PCNP: variants seen among roughly 807,000 people sequenced by gnomAD.
The protein encoded by PCNP is PEST proteolytic signal containing nuclear protein, also known as PEST proteolytic signal-containing nuclear protein.
In PCNP, 6 loss-of-function variants were observed where a neutral mutation model predicts 21.8. The observed-to-expected ratio is 0.28, with a 90% CI of 0.15 to 0.54. The LOEUF is 0.54. PCNP is among the 20% of genes least tolerant of loss of function. The pLI, the probability that PCNP is intolerant of heterozygous loss-of-function variation, is 0.95. For missense variants in PCNP, 161 were observed against 215.5 expected, an observed-to-expected ratio of 0.75 and a Z score of 1.58; for synonymous variants, 67 against 73.2, an observed-to-expected ratio of 0.92 and a Z score of 0.43.
rs550240849 is a variant in PCNP, at chr3:101,593,651, A to G, written c.*898A>G. On this transcript the variant is annotated 3_prime_UTR_variant, in exon 5 of 5. Coordinates refer to ENST00000265260, the MANE Select transcript of PCNP (RefSeq NM_020357.3). ...ACACCAAAAAAAAAATTAACATTGT[A>G]TGAAGATGGAAAATAAGAAGATGCA... 3 of 152,716 alleles carry G rather than the reference A, an allele frequency of 2.0e-5. No homozygotes were observed. The South Asian group carries it at 6.2e-4, about 32-fold the overall frequency. 9.5% of individuals were successfully genotyped at this position (152,716 alleles called of 1,614,324 possible).
At chr3:101,588,393 T>C (rs542244852) in intron 3 of PCNP, among the ~76,000 whole-genome samples, 1 of 152,252 alleles carries the variant, frequency 6.6e-6, no homozygotes, top group African/African-American at 2.4e-5. Context: ...TCCCTGCTTT[T>C]AAGTAAATTT....
intron 1 of PCNP, among the ~76,000 whole-genome samples, chr3:101,576,238 G>A (rs2114303): frequency 0.88 from 128,781 of 145,990 alleles, 57,284 homozygotes; most frequent in East Asian, 1. Context: ...TTTTATGAAT[G>A]GTTTCCTTTT....
At chr3:101,577,917 A>G in intron 1 of PCNP, among the ~76,000 whole-genome samples, 1 of 152,224 alleles carries the variant, frequency 6.6e-6, no homozygotes, top group East Asian at 1.9e-4. Context: ...TGCTAGTACC[A>G]TGTGTATTTT....
intron 1 of PCNP, chr3:101,576,415 ATTTTTTATT>A (rs996693054): frequency 2.1e-5 from 25 of 1,216,190 alleles, no homozygotes; most frequent in African/African-American, 1.1e-4. Flanking sequence ...TTGTATTTTT[ATTTTTTATT>A]TTTTTTATTT....
chr3:101,586,305 C>G (rs1195343297), intron 3 of PCNP, among the ~76,000 whole-genome samples: 2 of 151,906 alleles, frequency 1.3e-5, no homozygotes, highest in East Asian at 3.9e-4. Context: ...CCAGAATGAG[C>G]ATGAGATGCT....
chr3:101,582,255 C>A (rs1232332278), intron 2 of PCNP, among the ~76,000 whole-genome samples: 1 of 152,060 alleles, frequency 6.6e-6, no homozygotes, highest in African/African-American at 2.4e-5. Context: ...GAGATCGAGA[C>A]CATCCTGGCC....
At position 101,593,916 on chromosome 3, in the gene PCNP, GTGTT is replaced by G. The variant is rs1935935589; in HGVS notation, c.*1169_*1172del. 1.3e-5 allele frequency: 2 copies of G among 152,550 alleles called. No individual in the cohort carries two copies. Among genetic ancestry groups the G allele is most frequent in the East Asian group, 1.9e-4 (1 of 5,202 alleles). The allele number at this position is 152,550 out of a possible 1,614,324, so 9.4% of individuals were successfully genotyped here. ...CTTTGTTAGATTTGTGTATTGTAGG[GTGTT>G]TGTTTTGTATTTTTGTATTGTATAT... On this transcript the variant is annotated 3_prime_UTR_variant, in exon 5 of 5. Transcript: ENST00000265260.
chr3:101,578,294 G>C (rs953148507), intron 1 of PCNP, among the ~76,000 whole-genome samples: 1 of 152,178 alleles, frequency 6.6e-6, no homozygotes, highest in Non-Finnish European at 1.5e-5. Flanking sequence ...AATAAAATTA[G>C]CGTAAGTGCT....
chr3:101,580,029 G>A, intron 2 of PCNP, 25 bp downstream of exon 2: 1 of 1,504,624 alleles, frequency 6.6e-7, no homozygotes. Flanking sequence ...CATATATGAT[G>A]TTTGTAATGG....
chr3:101,581,187 C>A (rs1935202163), intron 2 of PCNP, among the ~76,000 whole-genome samples: 1 of 152,122 alleles, frequency 6.6e-6, no homozygotes, highest in Non-Finnish European at 1.5e-5. Flanking sequence ...CTTATAACAT[C>A]AGTACTTCAT....
chr3:101,588,094 A>G lies in PCNP; in HGVS notation c.355-2121A>G, dbSNP rs528705425. 1.2e-4 allele frequency among the ~76,000 whole-genome samples: 18 copies of G among 152,176 alleles called. No individual in the cohort carries two copies. The East Asian group carries it at 2.9e-3, about 24-fold the overall frequency. ...AAGACCATCTGGCTAACATGGTGAA[A>G]CCCTGTCTCTACTAAAAATACAAAA... On this transcript the variant is annotated intron_variant, in intron 3 of 4. Transcript: ENST00000265260.
rs572037625 is a variant in PCNP at position 101,581,967 on chromosome 3, C to T, written c.279+1963C>T. On this transcript the variant is annotated intron_variant, in intron 2 of 4. Transcript: ENST00000265260. ...GTTGGTCAGGCTGGTCTCGAACTCC[C>T]GACCTCAGGTGATCTGCCTGCCTCA... 1.4e-4 allele frequency among the ~76,000 whole-genome samples: 21 copies of T among 150,426 alleles called. No homozygotes were observed. The East Asian group carries it at 3.4e-3, about 24-fold the overall frequency.
chr3:101,589,504 G>A (rs1935697644), intron 3 of PCNP, among the ~76,000 whole-genome samples: 1 of 151,026 alleles, frequency 6.6e-6, no homozygotes, highest in African/African-American at 2.4e-5. Context: ...TTTGCCTCCC[G>A]AATTCAAGCA....
intron 3 of PCNP, chr3:101,589,912 T>C: frequency 3.6e-6 from 1 of 274,744 alleles, no homozygotes; most frequent in South Asian, 5.4e-5. Context: ...TATGTTAGGA[T>C]TTTTAAGAGA....
At chr3:101,581,009 A>T (rs1935192721) in intron 2 of PCNP, among the ~76,000 whole-genome samples, 1 of 152,216 alleles carries the variant, frequency 6.6e-6, no homozygotes, top group South Asian at 2.1e-4. Context: ...TCTACATTAG[A>T]TGTTTATTCA....
At chr3:101,586,571 T>TTTCA in intron 3 of PCNP, among the ~76,000 whole-genome samples, 1 of 114,204 alleles carries the variant, frequency 8.8e-6, no homozygotes, top group South Asian at 3.3e-4. Flanking sequence ...TGTGTGTGTG[T>TTTCA]GAGAGAGAGA....
chr3:101,576,697 A>G, intron 1 of PCNP: 1 of 1,612,224 alleles, frequency 6.2e-7, no homozygotes, highest in Non-Finnish European at 8.5e-7. Context: ...CTGTCTGTTC[A>G]AGAACCAGTC....
At chr3:101,574,124 C>T, upstream of PCNP, 2 of 1,501,632 alleles carry the variant, frequency 1.3e-6, no homozygotes, top group South Asian at 2.6e-5. Flanking sequence ...CTCTAGGCTG[C>T]CACCACGCCG....
At chr3:101,589,409 TC>T (rs1049877725) in intron 3 of PCNP, among the ~76,000 whole-genome samples, 1 of 32,220 alleles carries the variant, frequency 3.1e-5, no homozygotes, top group African/African-American at 6.7e-5. Context: ...GAATGAGCTC[TC>T]TTTTTTTTTT....
Sources: allele counts gnomAD v4.1 joint callset (sites outside exome capture counted in the v4.1 genomes callset), GRCh38; gene constraint gnomAD v4.1.1; transcripts MANE v1.5; gene names NCBI Gene and HGNC (gene_info 2026-07-23, HGNC 2026-07-21).